Variants in OSBPL5 observed in about 807,000 individuals in gnomAD.
The protein encoded by OSBPL5 is oxysterol-binding protein-related protein 5.
In OSBPL5, 71 loss-of-function variants were observed where a neutral mutation model predicts 111.2. The observed-to-expected ratio is 0.64, with a 90% CI of 0.53 to 0.78. The LOEUF (loss-of-function observed/expected upper bound fraction) is 0.78. Ranked by LOEUF, OSBPL5 falls within the 30% of genes least tolerant of loss-of-function variation. The pLI is 0.00. For synonymous variants in OSBPL5, 549 were observed against 513.9 expected, an observed-to-expected ratio of 1.07 and a Z score of -0.93; for missense variants, 1,210 against 1,189.3, an observed-to-expected ratio of 1.02 and a Z score of -0.26.
rs201914637 is a variant in OSBPL5 at position 3,144,395 on chromosome 11, C to T, written c.-21-15226G>A. The stretch of plus-strand genomic sequence containing the variant: ...CTGGCAGCGGTGGACTATGGGTGAC[C>T]GATGCTGTTTCTTTAAAAAACAAAG... On this transcript the variant is annotated intron_variant, in intron 1 of 21. Transcript: ENST00000263650. 5.9e-5 allele frequency among the ~76,000 whole-genome samples: 9 copies of T among 152,300 alleles called. No homozygotes were observed. The East Asian group carries it at 7.7e-4, about 13-fold the overall frequency.
At position 3,133,988 on chromosome 11, in the gene OSBPL5, G is replaced by A. The variant is rs57744724; in HGVS notation, c.-21-4819C>T. Among the ~76,000 whole-genome samples, 1,424 of 152,082 alleles carry A rather than the reference G, an allele frequency of 9.4e-3. 27 individuals are homozygous for A. Among genetic ancestry groups the A allele is most frequent in the African/African-American group, 0.033 (1,372 of 41,528 alleles). On this transcript the variant is annotated intron_variant, in intron 1 of 21. Transcript: ENST00000263650. Reference sequence around the variant, plus strand: ...GGAAGAAGGCGGGGCTTGGTGGGGGGGGGGTCACTAGATGTATGTGGTCCC... The same window carrying A: ...GGAAGAAGGCGGGGCTTGGTGGGGGAGGGGTCACTAGATGTATGTGGTCCC...
At chr11:3,123,530 C>T (rs1033060704) in intron 3 of OSBPL5, among the ~76,000 whole-genome samples, 1 of 152,250 alleles carries the variant, frequency 6.6e-6, no homozygotes, top group Non-Finnish European at 1.5e-5. Context: ...TGCGCCGCGG[C>T]GGGGCCTAAA....
At position 3,130,929 on chromosome 11, in the gene OSBPL5, G is replaced by A. The variant is rs1309387639; in HGVS notation, c.-21-1760C>T. Among the ~76,000 whole-genome samples the A allele has an allele frequency of 6.6e-6, 1 of 152,164 alleles. No homozygotes were observed. Among genetic ancestry groups the A allele is most frequent in the Non-Finnish European group, 1.5e-5 (1 of 68,030 alleles). ...TACTCAGACAGCTGAGATTTTCTGA[G>A]CACCCAGGCTGGGCTGGGCACCAGG... On this transcript the variant is annotated intron_variant, in intron 1 of 21. Coordinates refer to ENST00000263650, the MANE Select transcript of OSBPL5 (RefSeq NM_020896.4). This position sits in a 1 kb window ranked among gnomAD's most constrained non-coding sequence, Gnocchi z 4.5.
chr11:3,156,830 G>A (rs920836467), intron 1 of OSBPL5, among the ~76,000 whole-genome samples: 4 of 152,304 alleles, frequency 2.6e-5, no homozygotes, highest in Middle Eastern at 3.4e-3. Context: ...CTCCCACCAC[G>A]TCCCGAGGCA....
intron 1 of OSBPL5, among the ~76,000 whole-genome samples, chr11:3,132,000 C>G (rs1845827146): frequency 2.3e-5 from 1 of 43,372 alleles, no homozygotes; most frequent in Non-Finnish European, 4.7e-5. Flanking sequence ...CACCCTCCCT[C>G]CCTTTCAGGC....
intron 7 of OSBPL5, among the ~76,000 whole-genome samples, chr11:3,117,082 C>A (rs749803385): frequency 2.0e-4 from 31 of 152,268 alleles, no homozygotes; most frequent in Non-Finnish European, 3.8e-4. Flanking sequence ...TATGACAATA[C>A]AGTTATTTGC....
intron 1 of OSBPL5, among the ~76,000 whole-genome samples, chr11:3,138,309 CCCCACCACCTCCCAGCTAGA>C (rs1201073989): frequency 6.6e-6 from 1 of 152,208 alleles, no homozygotes. Flanking sequence ...GCAGGCCTGG[CCCCACCACCTCCCAGCTAGA>C]CCCACCACCT....
intron 1 of OSBPL5, among the ~76,000 whole-genome samples, chr11:3,137,575 G>A (rs967263657): frequency 6.6e-6 from 1 of 152,194 alleles, no homozygotes; most frequent in African/African-American, 2.4e-5. Flanking sequence ...CACTTTGGGA[G>A]CCTGAGGCGG....
Position 3,107,818 on chromosome 11 carries a change from A to G in OSBPL5, c.819T>C (p.Cys273=), listed in dbSNP as rs1376693103. ...GGACGGTGGCTGAGGCTGGCAGCCC[A>G]CAGAGCGATGAGGGTGATGCGTCTG... The part of the protein sequence containing the change: ...TSPDASPSSL[C]GLPASATVHP... Residue 273 remains cysteine (C), a synonymous_variant, in exon 8 of 22, where the codon TGT becomes TGC. Transcript: ENST00000263650. The surrounding 1 kb of genome is among the most constrained non-coding windows in gnomAD (Gnocchi z 6.1). 2 of 1,612,362 alleles carry G rather than the reference A, an allele frequency of 1.2e-6. No homozygotes were observed. The highest frequency in any genetic ancestry group is 1.7e-6 in the Non-Finnish European group (2 of 1,179,954).
chr11:3,089,658 G>A (rs769639708), intron 21 of OSBPL5, among the ~76,000 whole-genome samples, 188 bp downstream of exon 21: 3 of 152,084 alleles, frequency 2.0e-5, no homozygotes, highest in Non-Finnish European at 2.9e-5. Context: ...ACCACCTGCC[G>A]CTCCCACACC....
rs1479912116 is a variant in OSBPL5, at chr11:3,162,519, C to G, written c.-22+2697G>C. ...ATCCTCGTGGACATGATCCCAGAGG[C>G]CCTGGCTCAGAACAACTGTGATGCT... is the stretch of plus-strand genomic sequence containing the variant. On this transcript the variant is annotated intron_variant, in intron 1 of 21. Transcript: ENST00000263650. This position sits in a 1 kb window ranked among gnomAD's most constrained non-coding sequence, Gnocchi z 8.1. Among the ~76,000 whole-genome samples the G allele has an allele frequency of 6.6e-6, 1 of 151,948 alleles. No individual in the cohort carries two copies. The highest frequency in any genetic ancestry group is 1.5e-5 in the Non-Finnish European group (1 of 68,008).
chr11:3,148,523 C>T (rs1005132396), intron 1 of OSBPL5, among the ~76,000 whole-genome samples: 2 of 152,216 alleles, frequency 1.3e-5, no homozygotes, highest in African/African-American at 2.4e-5. Context: ...CTCTTTCCAG[C>T]GGCTGTCCAG....
intron 1 of OSBPL5, among the ~76,000 whole-genome samples, chr11:3,158,062 G>A (rs1213727146): frequency 1.3e-5 from 2 of 152,224 alleles, no homozygotes; most frequent in African/African-American, 4.8e-5. Flanking sequence ...AAACAACCAG[G>A]CCCTGTCCCG....
intron 1 of OSBPL5, among the ~76,000 whole-genome samples, chr11:3,149,927 GCA>G (rs1846517671): frequency 6.6e-6 from 1 of 152,016 alleles, no homozygotes; most frequent in African/African-American, 2.4e-5. Flanking sequence ...CCCTTCCCAG[GCA>G]CACACACACG....
rs779453572 is a variant in OSBPL5, at chr11:3,093,056, C to T, written c.1947-4G>A. 79 of 1,564,062 alleles carry T rather than the reference C, an allele frequency of 5.1e-5. No individual in the cohort carries two copies. Among genetic ancestry groups the T allele is most frequent in the Non-Finnish European group, 6.1e-5 (70 of 1,156,334 alleles). On this transcript the variant is annotated splice_polypyrimidine_tract_variant and splice_region_variant and intron_variant, in intron 17 of 21. Transcript: ENST00000263650. ...CCTGGTGACGTGCTGCCAGAGCCTG[C>T]GGGCCAGTGACCCATCCTGAGCCAG...
intron 1 of OSBPL5, among the ~76,000 whole-genome samples, chr11:3,139,405 G>A (rs1370456671): frequency 6.6e-6 from 1 of 152,214 alleles, no homozygotes; most frequent in African/African-American, 2.4e-5. Flanking sequence ...CAACCTGCCA[G>A]GATGATGGGG....
Position 3,107,538 on chromosome 11 carries a change from C to G in OSBPL5, c.867-83G>C. 1 of 1,493,494 alleles carries G rather than the reference C, an allele frequency of 6.7e-7. No individual in the cohort carries two copies. The highest frequency in any genetic ancestry group is 9.2e-7 in the Non-Finnish European group (1 of 1,085,014). 92.5% of individuals were successfully genotyped at this position (1,493,494 alleles called of 1,614,324 possible). A position where few individuals can be genotyped will look rare whatever the true frequency, so the allele number is the denominator to read the frequency against. ...TCTGGGCTGCCCACCCCTCGCTGCT[C>G]CGCACTTCACATACGTTCCTGCCTG... On this transcript the variant is annotated intron_variant, in intron 8 of 21. Coordinates refer to ENST00000263650, the MANE Select transcript of OSBPL5 (RefSeq NM_020896.4). This position sits in a 1 kb window ranked among gnomAD's most constrained non-coding sequence, Gnocchi z 6.1.
intron 7 of OSBPL5, among the ~76,000 whole-genome samples, chr11:3,108,332 A>G (rs1274069957): frequency 1.3e-5 from 2 of 152,164 alleles, no homozygotes; most frequent in African/African-American, 2.4e-5. Context: ...TCACAAACCC[A>G]GAACACTCGG....
In OSBPL5 at chr11:3,108,861, C is replaced by A. The variant is rs193035695; in HGVS notation, c.692-916G>T. ...TCAGCTCACCGCAACCTCTGCCTCC[C>A]GGGTTCAAGCGATTCTCCTGCCTCA... On this transcript the variant is annotated intron_variant, in intron 7 of 21. Coordinates refer to ENST00000263650, the MANE Select transcript of OSBPL5 (RefSeq NM_020896.4). 4.6e-5 allele frequency among the ~76,000 whole-genome samples: 7 copies of A among 152,266 alleles called. No homozygotes were observed. The East Asian group carries it at 1.4e-3, about 29-fold the overall frequency.
Sources: allele counts gnomAD v4.1 joint callset (sites outside exome capture counted in the v4.1 genomes callset), GRCh38; gene constraint gnomAD v4.1.1; non-coding constraint Gnocchi (gnomAD v3.1); transcripts MANE v1.5; gene names NCBI Gene and HGNC (gene_info 2026-07-23, HGNC 2026-07-21).